The following SLIT3 variants were observed in gnomAD, a reference collection of about 807,000 sequenced individuals.
SLIT3 encodes slit guidance ligand 3.
A neutral mutation model predicts 184.0 loss-of-function variants in SLIT3; 68 were observed. The ratio of observed to expected loss-of-function variants is 0.37; its 90% CI spans 0.30 to 0.45. SLIT3 has a LOEUF of 0.45. Ranked by LOEUF, SLIT3 falls within the 20% of genes least tolerant of loss-of-function variation. The probability of loss-of-function intolerance (pLI) is 1.00; values close to 1 mark genes in which losing one functional copy is unlikely to be tolerated. For missense variants in SLIT3, 1,707 were observed against 2,026.0 expected, an observed-to-expected ratio of 0.84 and a Z score of 3.02; for synonymous variants, 831 against 828.6, an observed-to-expected ratio of 1.00 and a Z score of -0.05.
At chr5:169,091,063 G>A (rs894729743) in intron 4 of SLIT3, among the ~76,000 whole-genome samples, 2 of 152,196 alleles carry the variant, frequency 1.3e-5, no homozygotes, top group African/African-American at 4.8e-5. Flanking sequence ...GGCAGAATTA[G>A]ATCTTGGAGA....
intron 1 of SLIT3, among the ~76,000 whole-genome samples, chr5:169,258,946 C>T (rs554342557): frequency 3.5e-4 from 54 of 152,308 alleles, no homozygotes; most frequent in Non-Finnish European, 6.8e-4. Flanking sequence ...TCAACCTTTT[C>T]ACTCCTTAGC....
intron 4 of SLIT3, among the ~76,000 whole-genome samples, chr5:169,016,868 A>G (rs1178805312): frequency 2.0e-5 from 3 of 152,104 alleles, no homozygotes; most frequent in Non-Finnish European, 4.4e-5. Context: ...TATTTTTTGG[A>G]GTTTGTATCA....
At chr5:168,948,215 C>T (rs922675789) in intron 4 of SLIT3, among the ~76,000 whole-genome samples, 2 of 152,194 alleles carry the variant, frequency 1.3e-5, no homozygotes, top group East Asian at 1.9e-4. Flanking sequence ...CTGCCTTGTC[C>T]GGGGCCTGAT....
intron 4 of SLIT3, among the ~76,000 whole-genome samples, chr5:169,009,097 T>TA (rs1437611237): frequency 2.7e-5 from 4 of 147,240 alleles, no homozygotes; most frequent in East Asian, 2.3e-4. Context: ...CAATTTTTTT[T>TA]TAAAAGAGAA....
chr5:169,293,252 A>G (rs1767409517), intron 1 of SLIT3, among the ~76,000 whole-genome samples: 1 of 152,156 alleles, frequency 6.6e-6, no homozygotes, highest in Non-Finnish European at 1.5e-5. Flanking sequence ...ATCCCCACAC[A>G]AAGAACATTT....
At chr5:169,039,326 T>A (rs1359987890) in intron 4 of SLIT3, among the ~76,000 whole-genome samples, 1 of 150,884 alleles carries the variant, frequency 6.6e-6, no homozygotes, top group Admixed American at 6.6e-5. Flanking sequence ...TGTTTTTTTT[T>A]TTTTTTTTGA....
chr5:168,868,112 A>C (rs1759373829), intron 5 of SLIT3, among the ~76,000 whole-genome samples: 1 of 152,216 alleles, frequency 6.6e-6, no homozygotes, highest in South Asian at 2.1e-4. Flanking sequence ...ACCAAACCCC[A>C]AAACTCCTTC....
chr5:169,195,506 C>T (rs984863472), intron 3 of SLIT3, among the ~76,000 whole-genome samples: 1 of 152,166 alleles, frequency 6.6e-6, no homozygotes. Flanking sequence ...CTCTAATTCC[C>T]TGGCCACCAC....
chr5:168,935,106 C>G (rs1165891135), intron 4 of SLIT3, among the ~76,000 whole-genome samples: 2 of 148,256 alleles, frequency 1.3e-5, no homozygotes, highest in Non-Finnish European at 3.0e-5. Flanking sequence ...CCACTGCACT[C>G]CAGCCTGGGT....
At chr5:169,134,578 C>T (rs562449931) in intron 4 of SLIT3, among the ~76,000 whole-genome samples, 126 of 152,264 alleles carry the variant, frequency 8.3e-4, no homozygotes, top group Middle Eastern at 3.4e-3. Context: ...TGGCAGGGAA[C>T]ATCACACACT....
intron 4 of SLIT3, among the ~76,000 whole-genome samples, chr5:168,901,205 A>G (rs926008588): frequency 2.0e-5 from 3 of 152,132 alleles, no homozygotes; most frequent in African/African-American, 7.2e-5. Flanking sequence ...CTAAAAACAC[A>G]AAAACAAAAT....
rs1393469325 is a variant in SLIT3 at position 168,984,098 on chromosome 5, T to A, written c.414-100762A>T. 3.9e-5 allele frequency among the ~76,000 whole-genome samples: 6 copies of A among 152,054 alleles called. No individual in the cohort carries two copies. The East Asian group carries it at 1.2e-3, about 29-fold the overall frequency. ...ATGGAAAAATAATGGATAAAATAAG[T>A]ATTAATATAAATACTGTAAAATGTA... On this transcript the variant is annotated intron_variant, in intron 4 of 35. Coordinates refer to ENST00000519560, the MANE Select transcript of SLIT3 (RefSeq NM_003062.4).
intron 31 of SLIT3, among the ~76,000 whole-genome samples, chr5:168,685,000 G>A: frequency 6.6e-6 from 1 of 152,150 alleles, no homozygotes; most frequent in East Asian, 1.9e-4. Context: ...GCCCAGGCTG[G>A]AGTGCAGTGG....
At chr5:168,834,686 C>CAAAAAAAAAA (rs540528948) in intron 6 of SLIT3, among the ~76,000 whole-genome samples, 1 of 37,414 alleles carries the variant, frequency 2.7e-5, no homozygotes, top group Admixed American at 4.3e-4. Flanking sequence ...GACTCTGTCT[C>CAAAAAAAAAA]AAAAAAAAAA....
At chr5:168,968,412 T>C (rs1313481221) in intron 4 of SLIT3, among the ~76,000 whole-genome samples, 1 of 152,226 alleles carries the variant, frequency 6.6e-6, no homozygotes, top group Non-Finnish European at 1.5e-5. Context: ...CCCATCCCTG[T>C]TGTCACCTTG....
intron 13 of SLIT3, 64 bp downstream of exon 13, chr5:168,774,171 A>G: frequency 1.3e-6 from 2 of 1,509,358 alleles, no homozygotes; most frequent in South Asian, 2.6e-5. Flanking sequence ...GGTGTTTTTC[A>G]TGATGGGCAT....
rs116338853 is a variant in SLIT3 at position 168,950,255 on chromosome 5, G to T, written c.414-66919C>A. ...GCTGGAAGGCACCTTCTATGATCCA[G>T]GAAACACCCTCAACAGACACCAAAT... On this transcript the variant is annotated intron_variant, in intron 4 of 35. Coordinates refer to ENST00000519560, the MANE Select transcript of SLIT3 (RefSeq NM_003062.4). 4.4e-3 allele frequency among the ~76,000 whole-genome samples: 669 copies of T among 152,174 alleles called. 8 individuals carry two copies. Among genetic ancestry groups the T allele is most frequent in the African/African-American group, 0.015 (625 of 41,510 alleles).
At chr5:168,946,562 G>C (rs896838803) in intron 4 of SLIT3, among the ~76,000 whole-genome samples, 1 of 152,230 alleles carries the variant, frequency 6.6e-6, no homozygotes, top group Non-Finnish European at 1.5e-5. Flanking sequence ...ACATCCAGGG[G>C]AGAGGCTTGG....
chr5:168,857,225 G>T (rs567998307), intron 5 of SLIT3, among the ~76,000 whole-genome samples: 3 of 152,246 alleles, frequency 2.0e-5, no homozygotes, highest in Non-Finnish European at 4.4e-5. Context: ...AGAAATTTCT[G>T]AAGAAATTTC....
Sources: gnomAD v4.1 joint callset for allele counts (sites outside exome capture counted in the v4.1 genomes callset) on GRCh38, gnomAD v4.1.1 for gene constraint, MANE v1.5 for transcripts, NCBI Gene and HGNC (gene_info 2026-07-23, HGNC 2026-07-21) for gene names.